ENTREP2: variants seen among roughly 807,000 people sequenced by gnomAD.
The protein encoded by ENTREP2 is protein ENTREP2.
chr15:29,517,443 C>T, the ENTREP2 span, among the ~76,000 whole-genome samples: 1 of 152,120 alleles, frequency 6.6e-6, no homozygotes, highest in South Asian at 2.1e-4. Flanking sequence ...CAAATGTTAA[C>T]CCCTACATTA....
the ENTREP2 span, among the ~76,000 whole-genome samples, chr15:29,319,044 C>T: frequency 3.3e-4 from 51 of 152,278 alleles, no homozygotes; most frequent in Middle Eastern, 3.4e-3. Flanking sequence ...CAAAACAAAG[C>T]TATGAAAAGT....
the ENTREP2 span, among the ~76,000 whole-genome samples, chr15:29,213,795 C>T: frequency 6.6e-6 from 1 of 152,094 alleles, no homozygotes; most frequent in Non-Finnish European, 1.5e-5. Flanking sequence ...ATCTACTCAT[C>T]TGACAAAGGG....
At chr15:29,215,937 G>A in the ENTREP2 span, among the ~76,000 whole-genome samples, 2 of 152,092 alleles carry the variant, frequency 1.3e-5, no homozygotes, top group Non-Finnish European at 2.9e-5. Flanking sequence ...GAGCATTTAG[G>A]CTATTTACAT....
chr15:29,596,066 C>T, the ENTREP2 span, among the ~76,000 whole-genome samples: 8 of 152,154 alleles, frequency 5.3e-5, no homozygotes, highest in Admixed American at 2.0e-4. Flanking sequence ...AGTAGGTATG[C>T]TCATTGCTAC....
chr15:29,469,947 C>G, the ENTREP2 span, among the ~76,000 whole-genome samples: 1,245 of 152,236 alleles, frequency 8.2e-3, 15 homozygotes, highest in South Asian at 0.022. Flanking sequence ...ACTTTTGTCT[C>G]CTTTTCCACA....
the ENTREP2 span, among the ~76,000 whole-genome samples, chr15:29,475,504 C>A: frequency 1.3e-5 from 2 of 152,060 alleles, no homozygotes; most frequent in Admixed American, 1.3e-4. Context: ...GGCGGTGGCC[C>A]GAAGCTGACT....
At chr15:29,302,807 T>A in the ENTREP2 span, among the ~76,000 whole-genome samples, 10 of 152,348 alleles carry the variant, frequency 6.6e-5, no homozygotes, top group South Asian at 2.1e-4. Flanking sequence ...TCGCTTTTTT[T>A]ATGTTTATTT....
the ENTREP2 span, among the ~76,000 whole-genome samples, chr15:29,292,829 A>G: frequency 6.6e-6 from 1 of 152,228 alleles, no homozygotes; most frequent in South Asian, 2.1e-4. Flanking sequence ...AAATCCAATC[A>G]GTTGCTTCTT....
chr15:29,414,673 G>A, the ENTREP2 span, among the ~76,000 whole-genome samples: 1 of 152,032 alleles, frequency 6.6e-6, no homozygotes. Context: ...AGGAGATAGA[G>A]ACACAAAAAC....
At chr15:29,244,895 T>G in the ENTREP2 span, among the ~76,000 whole-genome samples, 707 of 152,290 alleles carry the variant, frequency 4.6e-3, 3 homozygotes, top group Admixed American at 0.012. Context: ...ACTAAGAGCT[T>G]CTCATTAAAT....
the ENTREP2 span, among the ~76,000 whole-genome samples, chr15:29,626,409 C>A: frequency 2.4e-3 from 364 of 152,292 alleles, no homozygotes; most frequent in Non-Finnish European, 4.1e-3. Flanking sequence ...AGCTCCCCTG[C>A]ACAAGCTCTC....
the ENTREP2 span, among the ~76,000 whole-genome samples, chr15:29,435,281 G>C: frequency 6.6e-6 from 1 of 152,260 alleles, no homozygotes; most frequent in Non-Finnish European, 1.5e-5. Flanking sequence ...TGGCTCCGGG[G>C]TGGGAGCAGT....
At chr15:29,631,137 C>A in the ENTREP2 span, among the ~76,000 whole-genome samples, 1 of 152,120 alleles carries the variant, frequency 6.6e-6, no homozygotes, top group Non-Finnish European at 1.5e-5. Flanking sequence ...TCTTCTATTT[C>A]TTTGCTGAGA....
the ENTREP2 span, among the ~76,000 whole-genome samples, chr15:29,618,943 C>T: frequency 1.5e-4 from 23 of 152,318 alleles, no homozygotes; most frequent in African/African-American, 5.3e-4. Flanking sequence ...GGAGACAGAG[C>T]CTAAGCAGAC....
chr15:29,177,671 A>G, the ENTREP2 span, among the ~76,000 whole-genome samples: 1 of 152,154 alleles, frequency 6.6e-6, no homozygotes, highest in Non-Finnish European at 1.5e-5. Flanking sequence ...TGATGCATCA[A>G]GCCACGGCAG....
chr15:29,404,636 C>T, the ENTREP2 span, among the ~76,000 whole-genome samples: 1 of 152,012 alleles, frequency 6.6e-6, no homozygotes, highest in Admixed American at 6.6e-5. Context: ...CCTCCCCTCC[C>T]CTCCTCGCAG....
At chr15:29,521,722 C>T in the ENTREP2 span, among the ~76,000 whole-genome samples, 1 of 152,180 alleles carries the variant, frequency 6.6e-6, no homozygotes, top group Admixed American at 6.5e-5. Flanking sequence ...CTCTCCTGAA[C>T]AGCACTGCAC....
chr15:29,359,883 A>G, the ENTREP2 span, among the ~76,000 whole-genome samples: 1 of 152,226 alleles, frequency 6.6e-6, no homozygotes, highest in African/African-American at 2.4e-5. Context: ...GTAAAATAAA[A>G]TTGTTTCAAC....
chr15:29,411,429 T>C, the ENTREP2 span, among the ~76,000 whole-genome samples: 18 of 152,340 alleles, frequency 1.2e-4, no homozygotes, highest in Non-Finnish European at 2.1e-4. Context: ...GAATTTTACA[T>C]GTCCATGCTG....
Sources: gnomAD v4.1 joint callset for allele counts (sites outside exome capture counted in the v4.1 genomes callset) on GRCh38, gnomAD v4.1.1 for gene constraint, MANE v1.5 for transcripts, NCBI Gene and HGNC (gene_info 2026-07-23, HGNC 2026-07-21) for gene names.